The following CHIC1 variants were observed in gnomAD, a reference collection of about 807,000 sequenced individuals.
The protein encoded by CHIC1 is cysteine rich hydrophobic domain 1.
CHIC1 carries 7 observed loss-of-function variants against 18.5 expected under a neutral mutation model. That is an observed-to-expected ratio of 0.38 (90% CI 0.22 to 0.71). The LOEUF is 0.71. CHIC1 is among the 30% of genes least tolerant of loss of function. The pLI is 0.49. For missense variants in CHIC1, 159 were observed against 176.9 expected (o/e 0.90, Z 0.57); for synonymous variants, 77 against 73.5 (o/e 1.05, Z -0.25).
chrX:73,681,235 G>A lies in CHIC1; in HGVS notation c.*230G>A, dbSNP rs2058098329. 1 of 318,376 alleles carries A rather than the reference G, an allele frequency of 3.1e-6. No individual in the cohort carries two copies. The highest frequency in any genetic ancestry group is 5.4e-6 in the Non-Finnish European group (1 of 186,523). 26.2% of individuals were successfully genotyped at this position (318,376 alleles called of 1,213,427 possible). The stretch of plus-strand genomic sequence containing the variant: ...ATTTTAAATACACACACATGCGTGT[G>A]TGCATATACATATATAGATAGTTGC... On this transcript the variant is annotated 3_prime_UTR_variant, in exon 6 of 6. Coordinates refer to ENST00000373502, the MANE Select transcript of CHIC1 (RefSeq NM_001039840.4).
chrX:73,581,504 T>A (rs2057527174), intron 2 of CHIC1, among the ~76,000 whole-genome samples: 2 of 111,070 alleles, frequency 1.8e-5, no homozygotes, highest in South Asian at 7.4e-4. Flanking sequence ...TTCTTTCACG[T>A]TGTTTAAAAT....
chrX:73,593,787 T>G (rs1000030205), intron 3 of CHIC1, among the ~76,000 whole-genome samples: 2 of 111,569 alleles, frequency 1.8e-5, no homozygotes, highest in Non-Finnish European at 3.8e-5. Flanking sequence ...TTTAATATGG[T>G]CATTTCATCT....
intron 3 of CHIC1, among the ~76,000 whole-genome samples, chrX:73,609,938 G>A (rs1046923387): frequency 9.3e-6 from 1 of 107,962 alleles, no homozygotes; most frequent in African/African-American, 3.6e-5. Flanking sequence ...AGGTGCCACT[G>A]GGTATGAAAA....
intron 3 of CHIC1, among the ~76,000 whole-genome samples, chrX:73,619,065 C>T (rs912477337): frequency 4.5e-5 from 5 of 112,048 alleles, no homozygotes; most frequent in Non-Finnish European, 7.5e-5. Flanking sequence ...ATGATCTGGA[C>T]CTTAGGTTCC....
intron 3 of CHIC1, among the ~76,000 whole-genome samples, chrX:73,672,013 T>TG (rs1228696792): frequency 3.6e-5 from 4 of 111,320 alleles, no homozygotes; most frequent in Middle Eastern, 4.7e-3. Flanking sequence ...AGTGAGAACA[T>TG]GCGGTGTTTG....
intron 3 of CHIC1, among the ~76,000 whole-genome samples, chrX:73,659,127 G>A (rs753279776): frequency 8.9e-6 from 1 of 111,927 alleles, no homozygotes; most frequent in South Asian, 3.7e-4. Flanking sequence ...GGAGAGAGCA[G>A]CACTGCACAC....
At position 73,593,012 on chromosome X, in the gene CHIC1, T is replaced by A. The variant is rs1469400350; in HGVS notation, c.507+8440T>A. On this transcript the variant is annotated intron_variant, in intron 3 of 5. Transcript: ENST00000373502. Reference sequence around the variant, plus strand: ...ATGCATAGAGGTGTTCATAATAATGTCTGAGGATCTTTTATATTCCTGTGA... The same window carrying A: ...ATGCATAGAGGTGTTCATAATAATGACTGAGGATCTTTTATATTCCTGTGA... 2.7e-5 allele frequency among the ~76,000 whole-genome samples: 3 copies of A among 111,069 alleles called. No individual in the cohort carries two copies. The Admixed American group carries it at 2.9e-4, about 11-fold the overall frequency.
Position 73,609,348 on chromosome X carries a change from A to G in CHIC1, c.507+24776A>G, listed in dbSNP as rs1239681648. 2.8e-5 allele frequency among the ~76,000 whole-genome samples: 3 copies of G among 108,173 alleles called. 1 individual carries two copies. The highest frequency in any genetic ancestry group is 7.2e-5 in the African/African-American group (2 of 27,824). 93.9% of individuals were successfully genotyped at this position (108,173 alleles called of 115,157 possible). On this transcript the variant is annotated intron_variant, in intron 3 of 5. Coordinates refer to ENST00000373502, the MANE Select transcript of CHIC1 (RefSeq NM_001039840.4). Reference sequence around the variant, plus strand: ...TAGATTAGCTGTGTATTTTTCATGTATGGCCTTTATCATGTTGAGTAAGTT... The same window carrying G: ...TAGATTAGCTGTGTATTTTTCATGTGTGGCCTTTATCATGTTGAGTAAGTT...
At chrX:73,591,323 T>C (rs2057580679) in intron 3 of CHIC1, among the ~76,000 whole-genome samples, 1 of 110,522 alleles carries the variant, frequency 9.0e-6, no homozygotes, top group Non-Finnish European at 1.9e-5. Flanking sequence ...GAGGGCTTAG[T>C]GGCCTCCAAA....
intron 3 of CHIC1, among the ~76,000 whole-genome samples, chrX:73,643,454 G>A (rs2057869770): frequency 9.0e-6 from 1 of 111,499 alleles, no homozygotes; most frequent in African/African-American, 3.3e-5. Context: ...ATAATATCCT[G>A]CAGAGTGTTT....
At chrX:73,610,420 A>G (rs1467125381) in intron 3 of CHIC1, among the ~76,000 whole-genome samples, 2 of 103,655 alleles carry the variant, frequency 1.9e-5, no homozygotes, top group Non-Finnish European at 3.9e-5. Flanking sequence ...CATTCCTAAC[A>G]AGATGAACTG....
chrX:73,650,071 C>A (rs1172331295), intron 3 of CHIC1, among the ~76,000 whole-genome samples: 1 of 112,392 alleles, frequency 8.9e-6, no homozygotes, highest in Non-Finnish European at 1.9e-5. Context: ...ATTGAAAAAC[C>A]TGTTCCTGAA....
In CHIC1 at chrX:73,580,289, G is replaced by A. The variant is rs140056965; in HGVS notation, c.351+2828G>A. Reference sequence around the variant, plus strand: ...AACCTAAATTATCTGGATATGAGCTGCTCATAAATATATCCATTCTTTTCA... The same window carrying A: ...AACCTAAATTATCTGGATATGAGCTACTCATAAATATATCCATTCTTTTCA... On this transcript the variant is annotated intron_variant, in intron 2 of 5. Coordinates refer to ENST00000373502, the MANE Select transcript of CHIC1 (RefSeq NM_001039840.4). Among the ~76,000 whole-genome samples, 895 of 110,723 alleles carry A rather than the reference G, an allele frequency of 8.1e-3. 17 individuals are homozygous for A. The highest frequency in any genetic ancestry group is 0.028 in the African/African-American group (852 of 30,621).
intron 3 of CHIC1, among the ~76,000 whole-genome samples, chrX:73,624,970 G>C (rs1387789386): frequency 1.8e-5 from 2 of 112,256 alleles, no homozygotes; most frequent in Admixed American, 1.9e-4. Context: ...CATAAAGAAA[G>C]AGGACAGAAG....
upstream of CHIC1, chrX:73,563,180 C>T (rs1431777606): frequency 1.2e-6 from 1 of 853,427 alleles, no homozygotes; most frequent in Non-Finnish European, 1.4e-6. Context: ...AATCCTGTCC[C>T]TACACCCCTC....
At chrX:73,620,298 T>C (rs1375695146) in intron 3 of CHIC1, among the ~76,000 whole-genome samples, 2 of 112,137 alleles carry the variant, frequency 1.8e-5, no homozygotes, top group Non-Finnish European at 3.8e-5. Flanking sequence ...TCCACAATGG[T>C]TGAACTAATT....
At chrX:73,648,645 G>A (rs561555038) in intron 3 of CHIC1, among the ~76,000 whole-genome samples, 1 of 111,187 alleles carries the variant, frequency 9.0e-6, no homozygotes, top group South Asian at 3.8e-4. Context: ...TGCTGAAAAA[G>A]GGCATGCATA....
At chrX:73,655,618 GTATA>G (rs747856030) in intron 3 of CHIC1, among the ~76,000 whole-genome samples, 1 of 64,252 alleles carries the variant, frequency 1.6e-5, no homozygotes, top group Non-Finnish European at 2.8e-5. Context: ...TATAGTGTGT[GTATA>G]TATATATATA....
At chrX:73,616,553 C>A (rs1370428779) in intron 3 of CHIC1, among the ~76,000 whole-genome samples, 1 of 112,068 alleles carries the variant, frequency 8.9e-6, no homozygotes. Context: ...ATGAGAGCCC[C>A]ACCCCTGCAG....
Sources: allele counts gnomAD v4.1 joint callset (sites outside exome capture counted in the v4.1 genomes callset), GRCh38; gene constraint gnomAD v4.1.1; transcripts MANE v1.5; gene names NCBI Gene and HGNC (gene_info 2026-07-23, HGNC 2026-07-21).